DNTTIP1: variants seen among roughly 807,000 people sequenced by gnomAD.
DNTTIP1 encodes deoxynucleotidyltransferase terminal interacting protein 1.
Under a neutral mutation model 52.9 loss-of-function variants are expected in DNTTIP1, and 22 were observed. The ratio of observed to expected loss-of-function variants is 0.42; its 90% CI spans 0.30 to 0.59. The LOEUF (loss-of-function observed/expected upper bound fraction) is 0.59, where lower values mean the gene tolerates loss of function less well. Among genes scored for constraint, DNTTIP1 ranks in the 20% least tolerant of loss-of-function variants. The pLI, the probability that DNTTIP1 is intolerant of heterozygous loss-of-function variation, is 0.22. For missense variants in DNTTIP1, 286 were observed against 435.5 expected (o/e 0.66, Z 3.06); for synonymous variants, 136 against 155.1 (o/e 0.88, Z 0.92).
chr20:45,808,981 C>T (rs995316218), intron 10 of DNTTIP1, 133 bp from the exon 11 acceptor site: 6 of 721,314 alleles, frequency 8.3e-6, no homozygotes, highest in Non-Finnish European at 1.4e-5. Context: ...GATTAGTGAG[C>T]CCTCTAAGTC....
At chr20:45,798,596 C>A (rs1172028271) in intron 4 of DNTTIP1, among the ~76,000 whole-genome samples, 1 of 152,136 alleles carries the variant, frequency 6.6e-6, no homozygotes, top group Non-Finnish European at 1.5e-5. Flanking sequence ...TCTGGCTGTT[C>A]TGAACTCCTT....
At chr20:45,805,631 G>A (rs1033671331) in intron 10 of DNTTIP1, among the ~76,000 whole-genome samples, 1 of 151,934 alleles carries the variant, frequency 6.6e-6, no homozygotes, top group Non-Finnish European at 1.5e-5. Flanking sequence ...AATAAGTATT[G>A]CCATCCTTAT....
chr20:45,792,778 C>G, intron 2 of DNTTIP1, 31 bp downstream of exon 2: 3 of 1,589,720 alleles, frequency 1.9e-6, no homozygotes, highest in Non-Finnish European at 1.7e-6. Flanking sequence ...GGCTTATATC[C>G]CAGCCACTGG....
intron 11 of DNTTIP1, among the ~76,000 whole-genome samples, chr20:45,810,456 A>G (rs765408827): frequency 2.0e-5 from 3 of 151,752 alleles, no homozygotes; most frequent in Non-Finnish European, 4.4e-5. Flanking sequence ...TCCTGTTTCC[A>G]TATATATTTT....
intron 8 of DNTTIP1, among the ~76,000 whole-genome samples, chr20:45,804,520 T>G (rs1023274665): frequency 1.3e-5 from 2 of 152,214 alleles, no homozygotes; most frequent in East Asian, 1.9e-4. Flanking sequence ...ACTCCCTGTT[T>G]AGAGGCCTTC....
intron 10 of DNTTIP1, among the ~76,000 whole-genome samples, chr20:45,808,817 T>C (rs1020511706): frequency 1.3e-5 from 2 of 152,186 alleles, no homozygotes; most frequent in Admixed American, 6.5e-5. Context: ...GATCATTTTT[T>C]AAAAAGAGGA....
intron 4 of DNTTIP1, among the ~76,000 whole-genome samples, chr20:45,798,324 G>A (rs1414678113): frequency 6.8e-6 from 1 of 147,266 alleles, no homozygotes; most frequent in Non-Finnish European, 1.5e-5. Flanking sequence ...AGACACCGGG[G>A]CCTGTCGTGG....
chr20:45,804,856 C>A (rs1981582736), intron 8 of DNTTIP1, among the ~76,000 whole-genome samples: 1 of 152,178 alleles, frequency 6.6e-6, no homozygotes. Flanking sequence ...CCTCGGCAGC[C>A]CTCAGACCCT....
chr20:45,792,611 C>A, intron 1 of DNTTIP1, 66 bp from the exon 2 acceptor site: 3 of 1,295,712 alleles, frequency 2.3e-6, no homozygotes, highest in Non-Finnish European at 3.2e-6. Flanking sequence ...TTCATACCCA[C>A]CCTCCACCTC....
At chr20:45,808,045 C>A (rs111233817) in intron 10 of DNTTIP1, among the ~76,000 whole-genome samples, 559 of 151,876 alleles carry the variant, frequency 3.7e-3, no homozygotes, top group South Asian at 5.6e-3. Flanking sequence ...GAATAGAAAC[C>A]AGAATTTAAG....
Position 45,801,080 on chromosome 20 carries a change from C to G in DNTTIP1, c.379C>G (p.Leu127Val). ...TTGGTCTTTTTCCCTTCAGGCTAAACTGCTCTTTTCAGATGGAGAAAAAGT... is the reference window on the plus strand; with the variant it reads ...TTGGTCTTTTTCCCTTCAGGCTAAAGTGCTCTTTTCAGATGGAGAAAAAGT... ...ACRSCLEQAK[L>V]LFSDGEKVIP... The change falls in exon 5 of 13, where the codon CTG becomes GTG. Residue 127 changes from leucine (L) to valine (V), a missense_variant. Leu to Val is a conservative substitution (Grantham distance 32). Coordinates refer to ENST00000372622, the MANE Select transcript of DNTTIP1 (RefSeq NM_052951.3). 1 of 1,613,824 alleles carries G rather than the reference C, an allele frequency of 6.2e-7. No homozygotes were observed. The highest frequency in any genetic ancestry group is 1.1e-5 in the South Asian group (1 of 91,062).
intron 4 of DNTTIP1, among the ~76,000 whole-genome samples, chr20:45,796,971 C>T (rs1981260558): frequency 6.6e-6 from 1 of 152,210 alleles, no homozygotes; most frequent in African/African-American, 2.4e-5. Flanking sequence ...TGGTGCCTTC[C>T]CAAGTTCAGT....
chr20:45,800,119 CAAA>C (rs373126106), intron 4 of DNTTIP1, among the ~76,000 whole-genome samples: 1 of 121,930 alleles, frequency 8.2e-6, no homozygotes, highest in Non-Finnish European at 1.7e-5. Context: ...GATTCCATGT[CAAA>C]AAAAAAAAGA....
In DNTTIP1 at chr20:45,802,060, G is replaced by A. The variant is rs368778767; in HGVS notation, c.557+3G>A. 3.7e-5 allele frequency: 59 copies of A among 1,613,992 alleles called. No homozygotes were observed. The highest frequency in any genetic ancestry group is 4.6e-5 in the Non-Finnish European group (54 of 1,180,050). ...GACCGGGCAGCCGCCGGCATGGTGT[G>A]AGTAGGGACCAACAGTGTGGTGAGA... On this transcript the variant is annotated splice_donor_region_variant and intron_variant, in intron 7 of 12. Coordinates refer to ENST00000372622, the MANE Select transcript of DNTTIP1 (RefSeq NM_052951.3).
At chr20:45,795,311 G>C (rs928788688) in intron 3 of DNTTIP1, 34 bp from the exon 4 acceptor site, 62 of 1,324,476 alleles carry the variant, frequency 4.7e-5, no homozygotes, top group Non-Finnish European at 6.5e-5. Flanking sequence ...ACATTAACAG[G>C]ACTCTGACCT....
At chr20:45,803,181 CCCTTTGTT>C (rs1981528169) in intron 7 of DNTTIP1, 144 bp from the exon 8 acceptor site, 18 of 686,922 alleles carry the variant, frequency 2.6e-5, no homozygotes, top group Admixed American at 1.0e-4. Flanking sequence ...TGCTTTTTTT[CCCTTTGTT>C]CCTCCTCTTA....
chr20:45,791,987 G>T lies in DNTTIP1; in HGVS notation c.-18G>T. On this transcript the variant is annotated 5_prime_UTR_variant, in exon 1 of 13. Coordinates refer to ENST00000372622, the MANE Select transcript of DNTTIP1 (RefSeq NM_052951.3). ...GCCGGTGACAGAGTCCAGCGGAGTT[G>T]TGGGGGCCGGGGGCGCCATGGGAGC... is the stretch of plus-strand genomic sequence containing the variant. 1 of 1,244,600 alleles carries T rather than the reference G, an allele frequency of 8.0e-7. No individual in the cohort carries two copies. Among genetic ancestry groups the T allele is most frequent in the Non-Finnish European group, 1.0e-6 (1 of 991,462 alleles). The allele number at this position is 1,244,600 out of a possible 1,614,324, so 77.1% of individuals were successfully genotyped here. A position where few individuals can be genotyped will look rare whatever the true frequency, so the allele number is the denominator to read the frequency against.
chr20:45,801,351 T>A, intron 5 of DNTTIP1, 51 bp from the exon 6 acceptor site: 1 of 1,602,970 alleles, frequency 6.2e-7, no homozygotes, highest in Non-Finnish European at 8.5e-7. Context: ...CCAGAAGACC[T>A]GCAGCTCCCA....
intron 7 of DNTTIP1, 107 bp downstream of exon 7, chr20:45,802,164 A>T: frequency 8.1e-7 from 1 of 1,239,568 alleles, no homozygotes; most frequent in Non-Finnish European, 1.2e-6. Context: ...CAGATCCATC[A>T]GCTTAAGTCA....
Sources: allele counts gnomAD v4.1 joint callset (sites outside exome capture counted in the v4.1 genomes callset), GRCh38; gene constraint gnomAD v4.1.1; transcripts MANE v1.5; gene names NCBI Gene and HGNC (gene_info 2026-07-23, HGNC 2026-07-21).